CELF4: variants seen among roughly 807,000 people sequenced by gnomAD.
The protein encoded by CELF4 is CUG-BP- and ETR-3-like factor 4.
Under a neutral mutation model 59.9 loss-of-function variants are expected in CELF4, and 18 were observed. The ratio of observed to expected loss-of-function variants is 0.30; its 90% CI spans 0.21 to 0.45. CELF4 has a LOEUF of 0.45. CELF4 is among the 20% of genes least tolerant of loss of function. The pLI is 1.00. For synonymous variants in CELF4, 261 were observed against 267.1 expected, an observed-to-expected ratio of 0.98 and a Z score of 0.22; for missense variants, 456 against 689.0, an observed-to-expected ratio of 0.66 and a Z score of 3.79.
intron 2 of CELF4, among the ~76,000 whole-genome samples, chr18:37,416,047 A>G (rs1308776433): frequency 6.6e-6 from 1 of 152,178 alleles, no homozygotes; most frequent in Non-Finnish European, 1.5e-5. Context: ...AAAACAGCAA[A>G]GGGTGGTGGA....
In CELF4 at chr18:37,541,434, G is replaced by A. The variant is rs187488156; in HGVS notation, c.286+23922C>T. 5.5e-3 allele frequency among the ~76,000 whole-genome samples: 841 copies of A among 152,058 alleles called. 9 individuals are homozygous for A. The highest frequency in any genetic ancestry group is 0.019 in the African/African-American group (798 of 41,456). On this transcript the variant is annotated intron_variant, in intron 1 of 12. Transcript: ENST00000420428. ...CACATCCTGACCCCGTCTGTTTCTCGCACCTTCACTGCCCTTCTTAATCCA... is the reference window on the plus strand; with the variant it reads ...CACATCCTGACCCCGTCTGTTTCTCACACCTTCACTGCCCTTCTTAATCCA...
At chr18:37,475,052 T>C (rs77310530) in intron 2 of CELF4, among the ~76,000 whole-genome samples, 4,507 of 152,304 alleles carry the variant, frequency 0.03, 199 homozygotes, top group African/African-American at 0.1. Context: ...AGGAGTATGA[T>C]TGACATTGGC....
chr18:37,300,365 C>A (rs758094793), intron 3 of CELF4, among the ~76,000 whole-genome samples: 2 of 152,166 alleles, frequency 1.3e-5, no homozygotes, highest in Non-Finnish European at 2.9e-5. Context: ...GCTGGGATTA[C>A]AGGCACCTGC....
At chr18:37,488,999 C>G (rs2099889969) in intron 1 of CELF4, among the ~76,000 whole-genome samples, 1 of 152,220 alleles carries the variant, frequency 6.6e-6, no homozygotes, top group African/African-American at 2.4e-5. Context: ...CTACAGACTT[C>G]ACTAAGTGCA....
Position 37,310,297 on chromosome 18 carries a change from G to A in CELF4, c.448+11506C>T, listed in dbSNP as rs145738516. On this transcript the variant is annotated intron_variant, in intron 3 of 12. Coordinates refer to ENST00000420428, the MANE Select transcript of CELF4 (RefSeq NM_020180.4). The stretch of plus-strand genomic sequence containing the variant: ...AAGCCCAGCCAGGTCCCTGCTCCCC[G>A]CCTGCTCTCGCTCCCTCCCTCTATC... 5.6e-3 allele frequency among the ~76,000 whole-genome samples: 849 copies of A among 152,170 alleles called. 5 individuals are homozygous for A. Among genetic ancestry groups the A allele is most frequent in the Middle Eastern group, 0.027 (8 of 294 alleles).
chr18:37,279,741 C>A (rs1259078604), intron 3 of CELF4, among the ~76,000 whole-genome samples: 1 of 152,216 alleles, frequency 6.6e-6, no homozygotes, highest in African/African-American at 2.4e-5. Context: ...ACTGCTGTCC[C>A]TGCACCTGGA....
At chr18:37,439,478 C>T (rs552522861) in intron 2 of CELF4, among the ~76,000 whole-genome samples, 14 of 152,162 alleles carry the variant, frequency 9.2e-5, no homozygotes, top group Admixed American at 7.9e-4. Flanking sequence ...TGTGCCACAC[C>T]CCTGGACATC....
intron 2 of CELF4, among the ~76,000 whole-genome samples, chr18:37,409,130 T>C (rs988452278): frequency 1.8e-4 from 27 of 152,326 alleles, no homozygotes; most frequent in African/African-American, 6.0e-4. Flanking sequence ...TACATACTCA[T>C]GTGCTGGGAA....
rs571043441 is a variant in CELF4, at chr18:37,480,561, A to G, written c.369+4964T>C. The stretch of plus-strand genomic sequence containing the variant: ...GTTCTTGCCTTCATCCTTTCTACTT[A>G]TCATTCATCTTTACAGTTGTACATA... On this transcript the variant is annotated intron_variant, in intron 2 of 12. Coordinates refer to ENST00000420428, the MANE Select transcript of CELF4 (RefSeq NM_020180.4). 8.5e-5 allele frequency among the ~76,000 whole-genome samples: 13 copies of G among 152,250 alleles called. No homozygotes were observed. The South Asian group carries it at 2.5e-3, about 29-fold the overall frequency.
chr18:37,517,385 G>A (rs2099951906), intron 1 of CELF4, among the ~76,000 whole-genome samples: 1 of 152,062 alleles, frequency 6.6e-6, no homozygotes, highest in Non-Finnish European at 1.5e-5. Context: ...TGGTGATGTG[G>A]TTCCCAGGGT....
At chr18:37,251,796 G>A (rs558744341) in intron 12 of CELF4, among the ~76,000 whole-genome samples, 1 of 152,318 alleles carries the variant, frequency 6.6e-6, no homozygotes, top group South Asian at 2.1e-4. Context: ...CTCCTCGAGG[G>A]CAGGGATGGT....
intron 2 of CELF4, among the ~76,000 whole-genome samples, chr18:37,368,037 A>G (rs1406836727): frequency 6.6e-6 from 1 of 152,024 alleles, no homozygotes; most frequent in Non-Finnish European, 1.5e-5. Context: ...AGCCCTGGGT[A>G]TAAAGAGCCA....
chr18:37,282,641 A>G (rs2094289364), intron 3 of CELF4, among the ~76,000 whole-genome samples: 1 of 152,182 alleles, frequency 6.6e-6, no homozygotes, highest in South Asian at 2.1e-4. Flanking sequence ...GGATAGGGAC[A>G]GGGGTCTGCA....
chr18:37,313,519 T>C (rs532305494), intron 3 of CELF4, among the ~76,000 whole-genome samples: 19 of 152,246 alleles, frequency 1.2e-4, no homozygotes, highest in Middle Eastern at 6.8e-3. Context: ...AGAGAATAGC[T>C]AGAAGATTCT....
At chr18:37,369,553 T>C (rs539317740) in intron 2 of CELF4, among the ~76,000 whole-genome samples, 1 of 152,328 alleles carries the variant, frequency 6.6e-6, no homozygotes, top group African/African-American at 2.4e-5. Flanking sequence ...AATTTTACAA[T>C]TCTTTAGACA....
chr18:37,346,523 G>T (rs931631661), intron 2 of CELF4, among the ~76,000 whole-genome samples: 1 of 152,172 alleles, frequency 6.6e-6, no homozygotes, highest in African/African-American at 2.4e-5. Flanking sequence ...CCACCTAGTC[G>T]GGTTCTTTGT....
intron 2 of CELF4, among the ~76,000 whole-genome samples, chr18:37,442,830 T>C (rs1303387464): frequency 6.6e-6 from 1 of 152,196 alleles, no homozygotes; most frequent in Non-Finnish European, 1.5e-5. Flanking sequence ...CTAAGGAACA[T>C]CTGGGCAGGG....
intron 3 of CELF4, among the ~76,000 whole-genome samples, chr18:37,279,368 C>T (rs1391754525): frequency 6.6e-6 from 1 of 152,162 alleles, no homozygotes; most frequent in African/African-American, 2.4e-5. Context: ...TGGAGGCTGG[C>T]ATTAGGAGCC....
chr18:37,253,712 G>T lies in CELF4; in HGVS notation c.*44+55C>A, dbSNP rs547348805. ...CCACGGAGGCCGGAGGAGGCGGCGG[G>T]TCCGTCTGGTTCCCTCCCAACCCCC... On this transcript the variant is annotated intron_variant, in intron 12 of 12. Coordinates refer to ENST00000420428, the MANE Select transcript of CELF4 (RefSeq NM_020180.4). The surrounding 1 kb of genome is among the most constrained non-coding windows in gnomAD (Gnocchi z 4.5). 4 of 1,364,904 alleles carry T rather than the reference G, an allele frequency of 2.9e-6. No individual in the cohort carries two copies. Among genetic ancestry groups the T allele is most frequent in the Non-Finnish European group, 3.9e-6 (4 of 1,022,672 alleles). 84.5% of individuals were successfully genotyped at this position (1,364,904 alleles called of 1,614,324 possible). A position where few individuals can be genotyped will look rare whatever the true frequency, so the allele number is the denominator to read the frequency against.
Sources: gnomAD v4.1 joint callset for allele counts (sites outside exome capture counted in the v4.1 genomes callset) on GRCh38, gnomAD v4.1.1 for gene constraint, Gnocchi (gnomAD v3.1) non-coding constraint, MANE v1.5 for transcripts, NCBI Gene and HGNC (gene_info 2026-07-23, HGNC 2026-07-21) for gene names.